Variants in ZFHX3 observed in about 807,000 individuals in gnomAD.
ZFHX3 encodes zinc finger homeobox 3.
ZFHX3 carries 42 observed loss-of-function variants against 279.1 expected under a neutral mutation model. The ratio of observed to expected loss-of-function variants is 0.15; its 90% CI spans 0.12 to 0.19. ZFHX3 has a LOEUF of 0.19. Ranked by LOEUF, ZFHX3 falls within the 10% of genes least tolerant of loss-of-function variation. The pLI, the probability that ZFHX3 is intolerant of heterozygous loss-of-function variation, is 1.00. For synonymous variants in ZFHX3, 2,293 were observed against 1,957.8 expected (o/e 1.17, Z -4.52); for missense variants, 4,981 against 4,754.0 (o/e 1.05, Z -1.40).
chr16:73,529,456 G>A (rs1202693462), intron 2 of ZFHX3, among the ~76,000 whole-genome samples: 3 of 152,116 alleles, frequency 2.0e-5, no homozygotes, highest in Admixed American at 6.6e-5. Context: ...AACTTAGCAT[G>A]GCACCCACCC....
chr16:73,823,332 T>C (rs1030380149), intron 1 of ZFHX3, among the ~76,000 whole-genome samples: 3 of 151,968 alleles, frequency 2.0e-5, no homozygotes, highest in African/African-American at 7.3e-5. Flanking sequence ...AAGAAAAGCC[T>C]GATTAGAGAG....
chr16:72,920,939 G>T (rs1005322400), intron 3 of ZFHX3, among the ~76,000 whole-genome samples: 1 of 151,852 alleles, frequency 6.6e-6, no homozygotes, highest in Non-Finnish European at 1.5e-5. Context: ...AGGCATGGTG[G>T]TGTATGCCTG....
At chr16:73,649,013 A>G (rs1567542217) in intron 2 of ZFHX3, among the ~76,000 whole-genome samples, 1 of 152,228 alleles carries the variant, frequency 6.6e-6, no homozygotes, top group Non-Finnish European at 1.5e-5. Context: ...TACGGTTATC[A>G]TTTTCAATAT....
At chr16:73,088,541 G>A (rs1428691573) in intron 8 of ZFHX3, among the ~76,000 whole-genome samples, 1 of 152,166 alleles carries the variant, frequency 6.6e-6, no homozygotes, top group Non-Finnish European at 1.5e-5. Context: ...AATTCTATCT[G>A]CATGTCGATT....
intron 3 of ZFHX3, among the ~76,000 whole-genome samples, chr16:73,378,004 G>A (rs1803461471): frequency 8.4e-6 from 1 of 118,440 alleles, no homozygotes; most frequent in African/African-American, 3.4e-5. Context: ...CTGCACTCCA[G>A]CCTGGGTGAC....
intron 1 of ZFHX3, among the ~76,000 whole-genome samples, chr16:72,998,019 C>T (rs1359536240): frequency 1.3e-5 from 2 of 151,964 alleles, no homozygotes; most frequent in Non-Finnish European, 2.9e-5. Context: ...GAGGTGGAGG[C>T]TGCAGTGAGC....
At chr16:73,033,359 T>C (rs1046744203) in intron 1 of ZFHX3, among the ~76,000 whole-genome samples, 3 of 152,130 alleles carry the variant, frequency 2.0e-5, no homozygotes, top group African/African-American at 7.2e-5. Context: ...CGTCCTCAAC[T>C]ACTATTGTTA....
chr16:73,360,845 T>C (rs961535444), intron 3 of ZFHX3, among the ~76,000 whole-genome samples: 1 of 152,182 alleles, frequency 6.6e-6, no homozygotes, highest in Non-Finnish European at 1.5e-5. Flanking sequence ...GAAATCATAG[T>C]TGTGATTCTG....
chr16:73,148,607 G>A (rs866027777), intron 5 of ZFHX3, among the ~76,000 whole-genome samples: 3 of 140,148 alleles, frequency 2.1e-5, no homozygotes, highest in African/African-American at 8.0e-5. Flanking sequence ...GTGATGTTGG[G>A]AGGGTTACTG....
chr16:72,791,878 CCACT>C (rs749246119), intron 9 of ZFHX3, among the ~76,000 whole-genome samples: 7 of 152,168 alleles, frequency 4.6e-5, no homozygotes, highest in South Asian at 4.1e-4. Context: ...TGGTAAAACA[CCACT>C]CAAAGTGTAA....
At chr16:73,807,001 C>T (rs574377569) in intron 1 of ZFHX3, among the ~76,000 whole-genome samples, 2 of 152,272 alleles carry the variant, frequency 1.3e-5, no homozygotes, top group African/African-American at 2.4e-5. Context: ...TACTGAGCTT[C>T]TGGTCTAGAA....
At chr16:73,462,825 TGTTA>T (rs1331580566) in intron 2 of ZFHX3, among the ~76,000 whole-genome samples, 2 of 152,190 alleles carry the variant, frequency 1.3e-5, no homozygotes, top group African/African-American at 2.4e-5. Context: ...GCGAACACTT[TGTTA>T]AAGATTTTTG....
Position 73,181,818 on chromosome 16 carries a change from A to G in ZFHX3, c.-1103-37987T>C, listed in dbSNP as rs929165648. Among the ~76,000 whole-genome samples the G allele has an allele frequency of 4.6e-5, 7 of 152,224 alleles. No homozygotes were observed. In the East Asian group the frequency reaches 1.4e-3, roughly 29 times the overall value. ...GGCGTTCTGTGAACTATGTAAAGGCACCAGCTGAAGGCACAATTGTGGGCT... is the reference window on the plus strand; with the variant it reads ...GGCGTTCTGTGAACTATGTAAAGGCGCCAGCTGAAGGCACAATTGTGGGCT... On this transcript the variant is annotated intron_variant, in intron 5 of 17. Transcript: ENST00000641206.
chr16:73,029,722 C>T (rs906906298), intron 1 of ZFHX3, among the ~76,000 whole-genome samples: 2 of 152,222 alleles, frequency 1.3e-5, no homozygotes, highest in Admixed American at 6.5e-5. Flanking sequence ...ATCAGCCCCA[C>T]TGTTCCTGCG....
At position 73,417,185 on chromosome 16, in the gene ZFHX3, G is replaced by C. The variant is rs546834379; in HGVS notation, c.-1291+38818C>G. Among the ~76,000 whole-genome samples the C allele has an allele frequency of 1.5e-3, 222 of 152,014 alleles. 1 individual carries two copies. The highest frequency in any genetic ancestry group is 2.3e-3 in the Non-Finnish European group (154 of 68,030). On this transcript the variant is annotated intron_variant, in intron 3 of 17. Transcript: ENST00000641206. ...CAGTCATGGAGCAATACTTTTTCAA[G>C]TGTCCAGGTGTGAAAAACAAGGGAG... is the stretch of plus-strand genomic sequence containing the variant.
At chr16:73,236,642 CA>C (rs1041985796) in intron 5 of ZFHX3, among the ~76,000 whole-genome samples, 37 of 152,136 alleles carry the variant, frequency 2.4e-4, no homozygotes, top group African/African-American at 8.9e-4. Flanking sequence ...TTTTCCTCCA[CA>C]AAGGGTCATA....
In ZFHX3 at chr16:73,720,609, G is replaced by A. The variant is rs78568540; in HGVS notation, c.-1607-40369C>T. The stretch of plus-strand genomic sequence containing the variant: ...CCTCAATTTTCTATAATTCTGTGAT[G>A]TCCATAAGACTCTATGGATATATTG... On this transcript the variant is annotated intron_variant, in intron 1 of 17. Transcript: ENST00000641206. Among the ~76,000 whole-genome samples the A allele has an allele frequency of 4.3e-4, 66 of 152,234 alleles. No homozygotes were observed. The East Asian group carries it at 0.013, about 29-fold the overall frequency.
intron 1 of ZFHX3, among the ~76,000 whole-genome samples, chr16:73,781,096 TATA>T (rs1361217191): frequency 1.3e-5 from 2 of 152,176 alleles, no homozygotes; most frequent in African/African-American, 4.8e-5. Context: ...AGGAAATTAA[TATA>T]ATTTGGGAGC....
chr16:73,027,011 C>G (rs1487894790), intron 1 of ZFHX3, among the ~76,000 whole-genome samples: 1 of 152,226 alleles, frequency 6.6e-6, no homozygotes, highest in African/African-American at 2.4e-5. Flanking sequence ...TCACCTACAC[C>G]ACATGATAGC....
Sources: gnomAD v4.1 joint callset for allele counts (sites outside exome capture counted in the v4.1 genomes callset) on GRCh38, gnomAD v4.1.1 for gene constraint, MANE v1.5 for transcripts, NCBI Gene and HGNC (gene_info 2026-07-23, HGNC 2026-07-21) for gene names.